Variants in SLIT3 observed in about 807,000 individuals in gnomAD.
SLIT3 encodes slit guidance ligand 3, also known as slit homolog 3 protein.
A neutral mutation model predicts 184.0 loss-of-function variants in SLIT3; 68 were observed. The ratio of observed to expected loss-of-function variants is 0.37; its 90% confidence interval spans 0.30 to 0.45. The LOEUF (loss-of-function observed/expected upper bound fraction) is 0.45, where lower values mean the gene tolerates loss of function less well. SLIT3 is among the 20% of genes least tolerant of loss of function. SLIT3 has a pLI of 1.00. For missense variants in SLIT3, 1,707 were observed against 2,026.0 expected (o/e 0.84, Z 3.02); for synonymous variants, 831 against 828.6 (o/e 1.00, Z -0.05).
chr5:168,963,118 C>T (rs1763073034), intron 4 of SLIT3, among the ~76,000 whole-genome samples: 1 of 152,202 alleles, frequency 6.6e-6, no homozygotes. Context: ...CCAATCTGAT[C>T]CCACTCCCTG....
At chr5:169,232,689 C>T (rs1179611397) in intron 3 of SLIT3, among the ~76,000 whole-genome samples, 2 of 152,222 alleles carry the variant, frequency 1.3e-5, no homozygotes. Flanking sequence ...GGTGGCCTCA[C>T]AGAGCCACCT....
chr5:169,059,713 G>T (rs1390021142), intron 4 of SLIT3, among the ~76,000 whole-genome samples: 1 of 152,166 alleles, frequency 6.6e-6, no homozygotes, highest in Non-Finnish European at 1.5e-5. Flanking sequence ...AAATGAAAAG[G>T]CCTGAGTCTA....
At chr5:169,112,887 T>G (rs574711659) in intron 4 of SLIT3, among the ~76,000 whole-genome samples, 1 of 152,256 alleles carries the variant, frequency 6.6e-6, no homozygotes, top group South Asian at 2.1e-4. Context: ...TGCTCTCGAC[T>G]TGTCCCAGTA....
chr5:169,119,637 G>C (rs575737875), intron 4 of SLIT3, among the ~76,000 whole-genome samples: 2 of 152,268 alleles, frequency 1.3e-5, no homozygotes, highest in African/African-American at 4.8e-5. Context: ...AATTTCAGGT[G>C]AACAGTCAGA....
intron 4 of SLIT3, among the ~76,000 whole-genome samples, chr5:168,977,457 C>A (rs1754807681): frequency 6.6e-6 from 1 of 152,118 alleles, no homozygotes; most frequent in African/African-American, 2.4e-5. Flanking sequence ...ACTTCCTTTC[C>A]CTGGGTACAA....
intron 4 of SLIT3, among the ~76,000 whole-genome samples, chr5:169,115,277 C>G (rs772545959): frequency 5.9e-5 from 9 of 152,142 alleles, no homozygotes; most frequent in African/African-American, 2.2e-4. Flanking sequence ...TCTTCCCCAT[C>G]CCACCTAGAC....
rs570711596 is a variant in SLIT3, at chr5:168,666,136, T to A, written c.*318A>T. On this transcript the variant is annotated 3_prime_UTR_variant, in exon 36 of 36. Transcript: ENST00000519560. ...TTAAAGCATTTTTATTAGTCTATTT[T>A]TTTCTTAAATTTTTAAACAGCTATT... is the stretch of plus-strand genomic sequence containing the variant. 1.5e-5 allele frequency: 3 copies of A among 199,984 alleles called. No homozygotes were observed. The highest frequency in any genetic ancestry group is 4.6e-5 in the African/African-American group (2 of 43,530). 12.4% of individuals were successfully genotyped at this position (199,984 alleles called of 1,614,324 possible).
chr5:168,880,442 C>A (rs1295529292), intron 5 of SLIT3, among the ~76,000 whole-genome samples: 1 of 152,246 alleles, frequency 6.6e-6, no homozygotes, highest in Non-Finnish European at 1.5e-5. Flanking sequence ...ACATCTTATA[C>A]AGTTTTGCCT....
chr5:168,819,340 C>T (rs774485355), intron 7 of SLIT3, among the ~76,000 whole-genome samples: 4 of 152,218 alleles, frequency 2.6e-5, no homozygotes, highest in Non-Finnish European at 4.4e-5. Context: ...GCTGACTTTT[C>T]GCCGGGTATA....
chr5:168,996,727 C>A (rs1398440109), intron 4 of SLIT3, among the ~76,000 whole-genome samples: 1 of 152,186 alleles, frequency 6.6e-6, no homozygotes, highest in African/African-American at 2.4e-5. Flanking sequence ...AGTGACTTGG[C>A]ATCAGGTCAT....
chr5:169,298,484 C>A (rs1407652877), intron 1 of SLIT3, among the ~76,000 whole-genome samples: 1 of 152,120 alleles, frequency 6.6e-6, no homozygotes, highest in Non-Finnish European at 1.5e-5. Flanking sequence ...CTTGGTTTCC[C>A]AAACATGGAG....
intron 6 of SLIT3, among the ~76,000 whole-genome samples, chr5:168,843,500 T>A (rs1758343074): frequency 6.6e-6 from 1 of 152,216 alleles, no homozygotes; most frequent in Non-Finnish European, 1.5e-5. Context: ...ATGGGAATTA[T>A]TTTTAGAACC....
chr5:169,090,887 C>T (rs1310488113), intron 4 of SLIT3, among the ~76,000 whole-genome samples: 1 of 152,200 alleles, frequency 6.6e-6, no homozygotes, highest in South Asian at 2.1e-4. Flanking sequence ...TCCAGAACTG[C>T]GAAAGAATAC....
chr5:169,037,386 C>T (rs1757292635), intron 4 of SLIT3, among the ~76,000 whole-genome samples: 1 of 152,170 alleles, frequency 6.6e-6, no homozygotes, highest in African/African-American at 2.4e-5. Flanking sequence ...GCAGCACAGG[C>T]TCTGTTTTTA....
At chr5:168,767,499 G>A (rs182624826) in intron 14 of SLIT3, among the ~76,000 whole-genome samples, 31 of 152,298 alleles carry the variant, frequency 2.0e-4, no homozygotes, top group Admixed American at 1.9e-3. Flanking sequence ...ACCAGGTGAG[G>A]AGCCCAGCAC....
At chr5:168,763,787 C>T (rs1755239322) in intron 14 of SLIT3, among the ~76,000 whole-genome samples, 1 of 152,188 alleles carries the variant, frequency 6.6e-6, no homozygotes, top group South Asian at 2.1e-4. Flanking sequence ...TCCTTTCACA[C>T]TCAACATTTC....
At chr5:168,906,463 G>A (rs894314288) in intron 4 of SLIT3, among the ~76,000 whole-genome samples, 46 of 151,968 alleles carry the variant, frequency 3.0e-4, no homozygotes, top group Admixed American at 6.5e-5. Flanking sequence ...CTCAGAGAAC[G>A]AAAAAACAGA....
chr5:168,879,536 C>G (rs1759874365), intron 5 of SLIT3, among the ~76,000 whole-genome samples: 1 of 152,204 alleles, frequency 6.6e-6, no homozygotes, highest in African/African-American at 2.4e-5. Context: ...GAAGCATCAG[C>G]TCCTCAGCTC....
chr5:169,084,904 G>A (rs1759228791), intron 4 of SLIT3, among the ~76,000 whole-genome samples: 1 of 152,136 alleles, frequency 6.6e-6, no homozygotes, highest in African/African-American at 2.4e-5. Flanking sequence ...GGCCAGGGGA[G>A]CCCAGTTCCC....
Sources: allele counts gnomAD v4.1 joint callset (sites outside exome capture counted in the v4.1 genomes callset), GRCh38; gene constraint gnomAD v4.1.1; transcripts MANE v1.5; gene names NCBI Gene and HGNC (gene_info 2026-07-23, HGNC 2026-07-21).